The following ACOT9 variants were observed in gnomAD, a reference collection of about 807,000 sequenced individuals.
ACOT9 encodes acyl-coenzyme A thioesterase 9, mitochondrial.
In ACOT9, 34 loss-of-function variants were observed where a neutral mutation model predicts 39.7. The observed-to-expected ratio is 0.86, with a 90% CI of 0.65 to 1.14. The LOEUF (loss-of-function observed/expected upper bound fraction) is 1.14, where lower values mean the gene tolerates loss of function less well. ACOT9 is among the 50% of genes most tolerant of loss of function. The probability of loss-of-function intolerance (pLI) is 0.00; values close to 1 mark genes in which losing one functional copy is unlikely to be tolerated. For missense variants in ACOT9, 313 were observed against 344.1 expected (o/e 0.91, Z 0.71); for synonymous variants, 110 against 120.5 (o/e 0.91, Z 0.57).
rs1929940794 is a variant in ACOT9, at chrX:23,736,019, A to G, written c.21-3T>C. Reference sequence around the variant, plus strand: ...GCCCTTTGCCCAAGGCACAAAGCCTATAAAACAAGATAAAACACAGAGCAG... The same window carrying G: ...GCCCTTTGCCCAAGGCACAAAGCCTGTAAAACAAGATAAAACACAGAGCAG... On this transcript the variant is annotated splice_region_variant and splice_polypyrimidine_tract_variant and intron_variant, in intron 1 of 15. Transcript: ENST00000379303. The G allele has an allele frequency of 1.7e-6, 2 of 1,188,654 alleles. No individual in the cohort carries two copies. The highest frequency in any genetic ancestry group is 2.3e-6 in the Non-Finnish European group (2 of 878,646).
Position 23,704,541 on chromosome X carries a change from T to C in ACOT9, c.1258+153A>G, listed in dbSNP as rs7885476. On this transcript the variant is annotated intron_variant, in intron 15 of 15. Coordinates refer to ENST00000379303, the MANE Select transcript of ACOT9 (RefSeq NM_001037171.2). ...CCCGCCTGGGGGCCACAGGCATCTT[T>C]GGCCTTCAGGGCTGCCAAATCTCAA... Among the ~76,000 whole-genome samples the C allele has an allele frequency of 8.1e-3, 897 of 110,671 alleles. 8 individuals are homozygous for C. Among genetic ancestry groups the C allele is most frequent in the African/African-American group, 0.028 (855 of 30,448 alleles).
intron 5 of ACOT9, 67 bp downstream of exon 5, chrX:23,730,749 A>G: frequency 9.3e-7 from 1 of 1,073,906 alleles, no homozygotes; most frequent in East Asian, 3.1e-5. Context: ...TGGTGTGTGA[A>G]TTATATTTCA....
intron 6 of ACOT9, 143 bp downstream of exon 6, chrX:23,730,384 C>T (rs12388535): frequency 0.093 from 43,674 of 469,673 alleles, 1,736 homozygotes; most frequent in African/African-American, 0.16. Context: ...TGAGCCACCA[C>T]GCCCGGCCGA....
intron 4 of ACOT9, among the ~76,000 whole-genome samples, chrX:23,732,894 C>T (rs1296000002): frequency 1.8e-5 from 2 of 111,950 alleles, no homozygotes; most frequent in Non-Finnish European, 3.8e-5. Context: ...ATGTCGTAAG[C>T]ACGTCACAAG....
chrX:23,705,627 A>G (rs1410351087), intron 12 of ACOT9, 33 bp from the exon 13 acceptor site: 1 of 1,171,064 alleles, frequency 8.5e-7, no homozygotes, highest in Admixed American at 2.2e-5. Context: ...AATAAATACA[A>G]AACTTATGGC....
chrX:23,722,658 G>T lies in ACOT9; in HGVS notation c.484+12C>A, dbSNP rs1001507735. The T allele has an allele frequency of 4.5e-6, 5 of 1,107,945 alleles. No homozygotes were observed. Among genetic ancestry groups the T allele is most frequent in the Non-Finnish European group, 6.2e-6 (5 of 810,027 alleles). 91.3% of individuals were successfully genotyped at this position (1,107,945 alleles called of 1,213,427 possible). A position where few individuals can be genotyped will look rare whatever the true frequency, so the allele number is the denominator to read the frequency against. On this transcript the variant is annotated intron_variant, in intron 7 of 15. Transcript: ENST00000379303. ...AGAATTCTAAGTATGCATAGAAAAT[G>T]ATATCACTTACCAATCTTATCCACC...
At position 23,730,564 on chromosome X, in the gene ACOT9, T is replaced by C. The variant is rs1453686794; in HGVS notation, c.363A>G (p.Arg121=). 1 of 1,204,534 alleles carries C rather than the reference T, an allele frequency of 8.3e-7. No homozygotes were observed. Among genetic ancestry groups the C allele is most frequent in the African/African-American group, 1.8e-5 (1 of 57,098 alleles). ...CAAGATCCTCAAGAATCCTGCCAAATCTGTGAAATAAAGCAAACAGTGAAT... is the reference window on the plus strand; with the variant it reads ...CAAGATCCTCAAGAATCCTGCCAAACCTGTGAAATAAAGCAAACAGTGAAT... ...EKYLTVQNTV[R]FGRILEDLDS... is the part of the protein sequence containing the mutation. The change falls in exon 6 of 16, where the codon AGA becomes AGG. Residue 121 remains arginine, a splice_region_variant and synonymous_variant. Coordinates refer to ENST00000379303, the MANE Select transcript of ACOT9 (RefSeq NM_001037171.2).
intron 8 of ACOT9, among the ~76,000 whole-genome samples, chrX:23,719,312 T>C (rs1267229803): frequency 9.0e-6 from 1 of 111,355 alleles, no homozygotes; most frequent in Non-Finnish European, 1.9e-5. Context: ...ACATCAAACA[T>C]GGGAATTGAA....
At chrX:23,715,688 C>T (rs992804435) in intron 8 of ACOT9, among the ~76,000 whole-genome samples, 127 of 111,504 alleles carry the variant, frequency 1.1e-3, no homozygotes, top group African/African-American at 4.0e-3. Context: ...TATATCATAA[C>T]CATTTGTTTA....
At chrX:23,714,263 A>G (rs1929004766) in intron 8 of ACOT9, among the ~76,000 whole-genome samples, 1 of 111,259 alleles carries the variant, frequency 9.0e-6, no homozygotes, top group African/African-American at 3.3e-5. Flanking sequence ...AAACACTAGT[A>G]TGTTTCAGGG....
intron 10 of ACOT9, chrX:23,706,959 G>T: frequency 3.3e-6 from 1 of 301,850 alleles, no homozygotes; most frequent in Non-Finnish European, 5.8e-6. Context: ...CCAGAGCCCT[G>T]ACCTGCAGTT....
Position 23,701,983 on chromosome X carries a change from G to C in ACOT9, c.*1911C>G, listed in dbSNP as rs890875772. Among the ~76,000 whole-genome samples the C allele has an allele frequency of 1.3e-4, 14 of 108,994 alleles. No individual in the cohort carries two copies. The highest frequency in any genetic ancestry group is 2.3e-4 in the Non-Finnish European group (12 of 52,418). 94.6% of individuals were successfully genotyped at this position (108,994 alleles called of 115,157 possible). On this transcript the variant is annotated 3_prime_UTR_variant, in exon 16 of 16. Coordinates refer to ENST00000379303, the MANE Select transcript of ACOT9 (RefSeq NM_001037171.2). ...AGCTACTCAGGAGGCTGAGGCAGGAGAATCGCTTGAACCCGGGAGGTAGAG... is the reference window on the plus strand; with the variant it reads ...AGCTACTCAGGAGGCTGAGGCAGGACAATCGCTTGAACCCGGGAGGTAGAG...
chrX:23,742,205 T>TGAGGGAGA (rs1490829230), intron 1 of ACOT9, among the ~76,000 whole-genome samples: 1 of 65,559 alleles, frequency 1.5e-5, no homozygotes, highest in Non-Finnish European at 2.7e-5. Context: ...CCAGGAACAG[T>TGAGGGAGA]GAGTGAGTGA....
At chrX:23,733,101 A>G (rs1929815412) in intron 4 of ACOT9, 71 bp downstream of exon 4, 1 of 1,001,619 alleles carries the variant, frequency 1.0e-6, no homozygotes, top group African/African-American at 1.9e-5. Flanking sequence ...TGAGACCATC[A>G]ACTGAGCCTA....
chrX:23,707,737 C>CA (rs1208804145), intron 10 of ACOT9, 140 bp downstream of exon 10: 11,653 of 366,532 alleles, frequency 0.032, 9 homozygotes, highest in Non-Finnish European at 0.039. Flanking sequence ...GACTCCATTT[C>CA]AAAAAAAACA....
chrX:23,704,670 G>A, intron 15 of ACOT9, 24 bp downstream of exon 15: 1 of 1,202,260 alleles, frequency 8.3e-7, no homozygotes, highest in East Asian at 3.0e-5. Flanking sequence ...CCTTTGTTAG[G>A]GACAAGCAAT....
intron 8 of ACOT9, among the ~76,000 whole-genome samples, chrX:23,716,116 C>T (rs1601809167): frequency 9.0e-6 from 1 of 111,266 alleles, no homozygotes; most frequent in African/African-American, 3.3e-5. Context: ...AGGGAGGAGG[C>T]CTGAGGAACA....
intron 2 of ACOT9, 58 bp from the exon 3 acceptor site, chrX:23,734,425 T>C: frequency 1.0e-6 from 1 of 988,655 alleles, no homozygotes; most frequent in Middle Eastern, 2.9e-4. Context: ...AACTAAAAGA[T>C]AAATCTGTAG....
chrX:23,734,272 C>T, intron 3 of ACOT9, 69 bp downstream of exon 3: 1 of 952,860 alleles, frequency 1.0e-6, no homozygotes, highest in Non-Finnish European at 1.4e-6. Context: ...CCCAAAAGTG[C>T]AAGCGTATAT....
Sources: allele counts gnomAD v4.1 joint callset (sites outside exome capture counted in the v4.1 genomes callset), GRCh38; gene constraint gnomAD v4.1.1; transcripts MANE v1.5; gene names NCBI Gene and HGNC (gene_info 2026-07-23, HGNC 2026-07-21).